GRIK3: variants seen among roughly 807,000 people sequenced by gnomAD.
The protein encoded by GRIK3 is glutamate receptor ionotropic, kainate 3.
GRIK3 carries 29 observed loss-of-function variants against 102.5 expected under a neutral mutation model. The observed-to-expected ratio is 0.28, with a 90% confidence interval of 0.21 to 0.39. GRIK3 has a LOEUF of 0.39. Ranked by LOEUF, GRIK3 falls within the 10% of genes least tolerant of loss-of-function variation. GRIK3 has a pLI of 1.00. For synonymous variants in GRIK3, 511 were observed against 504.9 expected (o/e 1.01, Z -0.16); for missense variants, 908 against 1,252.4 (o/e 0.73, Z 4.15).
chr1:36,949,032 G>A (rs1303763619), intron 1 of GRIK3, among the ~76,000 whole-genome samples: 1 of 152,192 alleles, frequency 6.6e-6, no homozygotes, highest in Non-Finnish European at 1.5e-5. Flanking sequence ...AGGGCAGCAC[G>A]CAGTCTATGG....
At chr1:37,006,820 G>A (rs933378177) in intron 1 of GRIK3, among the ~76,000 whole-genome samples, 1 of 152,228 alleles carries the variant, frequency 6.6e-6, no homozygotes. Context: ...AGCACCTTAG[G>A]AGGGGGGTAC....
In GRIK3 at chr1:36,825,787, C is replaced by T. The variant is rs1338015469; in HGVS notation, c.1570G>A (p.Val524Ile). 1.2e-6 allele frequency: 2 copies of T among 1,613,494 alleles called. No individual in the cohort carries two copies. The highest frequency in any genetic ancestry group is 1.7e-5 in the Admixed American group (1 of 59,962). ...LAVAPLTITH[V>I]REKAIDFSKP... ...GAGAAGTCGATGGCCTTCTCTCGAA[C>T]ATGGGTGATGGTCAGGGGGGCCACG... Residue 524 changes from valine to isoleucine, a missense_variant, in exon 11 of 16, where the codon GTT (valine) becomes ATT (isoleucine). Physicochemically the swap from Val to Ile is conservative, Grantham distance 29. Around this residue, in one of 3 missense-constraint regions of GRIK3, gnomAD observed 585 missense variants for 824.9 expected, o/e 0.71. Transcript: ENST00000373091.
chr1:36,833,945 C>T (rs956561107), intron 10 of GRIK3, among the ~76,000 whole-genome samples: 3 of 152,192 alleles, frequency 2.0e-5, no homozygotes, highest in African/African-American at 4.8e-5. Context: ...AAGATCTTCC[C>T]CCAAAGTTTC....
intron 9 of GRIK3, among the ~76,000 whole-genome samples, chr1:36,845,638 T>C (rs546265830): frequency 1.3e-5 from 2 of 152,358 alleles, no homozygotes; most frequent in Admixed American, 1.3e-4. Flanking sequence ...CGCACAAGTA[T>C]ATACAATGTC....
intron 1 of GRIK3, among the ~76,000 whole-genome samples, chr1:36,899,669 T>C (rs568443199): frequency 1.2e-4 from 18 of 152,254 alleles, no homozygotes; most frequent in African/African-American, 4.1e-4. Context: ...TTAAAAATGG[T>C]TAAGATGGCA....
intron 10 of GRIK3, among the ~76,000 whole-genome samples, chr1:36,838,090 A>G (rs1452326305): frequency 3.9e-5 from 6 of 152,230 alleles, no homozygotes; most frequent in Non-Finnish European, 5.9e-5. Context: ...TGGAAGGAAC[A>G]GTGATGAGAG....
At chr1:36,827,693 A>C (rs1242520318) in intron 10 of GRIK3, among the ~76,000 whole-genome samples, 1 of 152,186 alleles carries the variant, frequency 6.6e-6, no homozygotes, top group Non-Finnish European at 1.5e-5. Flanking sequence ...TTAGAACAGG[A>C]ACTAGCAATC....
intron 13 of GRIK3, among the ~76,000 whole-genome samples, chr1:36,812,424 T>C (rs1642572785): frequency 6.6e-6 from 1 of 152,160 alleles, no homozygotes; most frequent in African/African-American, 2.4e-5. Flanking sequence ...GTCCTCTCTC[T>C]TCAAAGCTGT....
chr1:36,887,771 A>AAT lies in GRIK3; in HGVS notation c.292+3147_292+3148dup, dbSNP rs71053957. Among the ~76,000 whole-genome samples, 485 of 106,504 alleles carry AAT rather than the reference A, an allele frequency of 4.6e-3. 5 individuals carry two copies. Among genetic ancestry groups the AAT allele is most frequent in the African/African-American group, 0.014 (374 of 26,168 alleles). The allele number at this position is 106,504 out of a possible 152,430, so 69.9% of individuals were successfully genotyped here. ...AATTCCATCTCAAAAAAAAAAAAAAAATATATATATATATATATAGTGAGA... is the reference window on the plus strand; with the variant it reads ...AATTCCATCTCAAAAAAAAAAAAAAAATATATATATATATATATATAGTGAGA... On this transcript the variant is annotated intron_variant, in intron 2 of 15. Transcript: ENST00000373091.
chr1:36,858,873 G>A (rs911229728), intron 7 of GRIK3, among the ~76,000 whole-genome samples: 1 of 152,222 alleles, frequency 6.6e-6, no homozygotes, highest in African/African-American at 2.4e-5. Flanking sequence ...TGGCAATGCT[G>A]ACCAGCTGCT....
At chr1:36,897,517 C>G (rs503016) in intron 1 of GRIK3, among the ~76,000 whole-genome samples, 46 of 152,058 alleles carry the variant, frequency 3.0e-4, no homozygotes, top group African/African-American at 1.1e-3. Flanking sequence ...AGAAGACATA[C>G]AAATGGCAAG....
chr1:36,928,050 C>T (rs951315559), intron 1 of GRIK3, among the ~76,000 whole-genome samples: 14 of 152,100 alleles, frequency 9.2e-5, no homozygotes, highest in African/African-American at 2.7e-4. Context: ...AGAGAGTGGG[C>T]TGGGAGGGAG....
chr1:37,003,584 T>G (rs1305626318), intron 1 of GRIK3, among the ~76,000 whole-genome samples: 1 of 152,172 alleles, frequency 6.6e-6, no homozygotes, highest in Non-Finnish European at 1.5e-5. Context: ...CAAATGGCAC[T>G]GCCACTCACT....
At chr1:36,984,924 G>A (rs1642288758) in intron 1 of GRIK3, among the ~76,000 whole-genome samples, 1 of 152,208 alleles carries the variant, frequency 6.6e-6, no homozygotes, top group Non-Finnish European at 1.5e-5. Flanking sequence ...GCGGGGCCAG[G>A]CTGGACAGCA....
intron 1 of GRIK3, among the ~76,000 whole-genome samples, chr1:37,007,143 A>G (rs1642540789): frequency 6.6e-6 from 1 of 152,222 alleles, no homozygotes; most frequent in Admixed American, 6.5e-5. Flanking sequence ...AAGAAAGGGA[A>G]CACGGCATAG....
intron 1 of GRIK3, among the ~76,000 whole-genome samples, chr1:36,962,611 G>C (rs1454813466): frequency 6.7e-6 from 1 of 149,726 alleles, no homozygotes; most frequent in Non-Finnish European, 1.5e-5. Context: ...AGTGGTTAGC[G>C]GTGGAGGAAA....
chr1:37,010,309 T>C (rs1642580345), intron 1 of GRIK3, among the ~76,000 whole-genome samples: 1 of 152,132 alleles, frequency 6.6e-6, no homozygotes, highest in Non-Finnish European at 1.5e-5. Flanking sequence ...GCCATAGAAA[T>C]GGATACTTAT....
At chr1:37,006,990 C>T (rs1364552109) in intron 1 of GRIK3, among the ~76,000 whole-genome samples, 1 of 152,180 alleles carries the variant, frequency 6.6e-6, no homozygotes, top group East Asian at 1.9e-4. Flanking sequence ...GCTCCATGGC[C>T]CGAGTCCAGC....
chr1:36,853,820 A>C, intron 7 of GRIK3, 98 bp from the exon 8 acceptor site: 1 of 730,414 alleles, frequency 1.4e-6, no homozygotes, highest in South Asian at 1.5e-5. Context: ...CCTTGCACTG[A>C]TACTGTTCCC....
Sources: allele counts gnomAD v4.1 joint callset (sites outside exome capture counted in the v4.1 genomes callset), GRCh38; gene constraint gnomAD v4.1.1; regional missense constraint gnomAD v4.1.1; transcripts MANE v1.5; gene names NCBI Gene and HGNC (gene_info 2026-07-23, HGNC 2026-07-21).